ANKFN1: variants seen among roughly 807,000 people sequenced by gnomAD.
ANKFN1 encodes the protein ankyrin repeat and fibronectin type III domain containing 1, also known as ankyrin repeat and fibronectin type-III domain-containing protein 1.
ANKFN1 carries 74 observed loss-of-function variants against 108.7 expected under a neutral mutation model. That is an observed-to-expected ratio of 0.68 (90% CI 0.56 to 0.83). The LOEUF is 0.83. ANKFN1 is among the 40% of genes least tolerant of loss of function. The pLI is 0.00. For missense variants in ANKFN1, 1,505 were observed against 1,382.3 expected, an observed-to-expected ratio of 1.09 and a Z score of -1.41; for synonymous variants, 547 against 516.2, an observed-to-expected ratio of 1.06 and a Z score of -0.81.
intron 5 of ANKFN1, among the ~76,000 whole-genome samples, chr17:56,353,081 C>T (rs988034716): frequency 6.6e-6 from 1 of 152,038 alleles, no homozygotes; most frequent in Admixed American, 6.6e-5. Context: ...GAACACTATT[C>T]CAGGAGTAGT....
At chr17:56,321,286 G>A (rs539887501) in intron 3 of ANKFN1, among the ~76,000 whole-genome samples, 2 of 151,944 alleles carry the variant, frequency 1.3e-5, no homozygotes, top group Non-Finnish European at 2.9e-5. Flanking sequence ...TCGGTAAGTA[G>A]CACATTTTAT....
rs755305438 is a variant in ANKFN1 at position 56,372,707 on chromosome 17, G to A, written c.663G>A (p.Arg221=). ...CACTGGTCCAGGAAGCCCAGGAGAG[G>A]GTGAGTGAACTGTCTGCCCAGGTGG... ...LNTLVQEAQE[R]VSELSAQVEN... is the part of the protein sequence containing the mutation. Residue 221 remains arginine (R), a synonymous_variant, in exon 7 of 21, where the codon AGG becomes AGA. Coordinates refer to ENST00000682825, the MANE Select transcript of ANKFN1 (RefSeq NM_001370326.1). 31 of 1,613,848 alleles carry A rather than the reference G, an allele frequency of 1.9e-5. No individual in the cohort carries two copies. Among genetic ancestry groups the A allele is most frequent in the South Asian group, 1.4e-4 (13 of 91,068 alleles).
intron 4 of ANKFN1, among the ~76,000 whole-genome samples, chr17:56,091,418 T>TCACACACACACACACA: frequency 7.3e-6 from 1 of 136,918 alleles, no homozygotes; most frequent in African/African-American, 2.7e-5. Context: ...TCCAAACAAA[T>TCACACACACACACACA]CACACACACA....
At chr17:56,319,515 C>T (rs1449079857) in intron 3 of ANKFN1, among the ~76,000 whole-genome samples, 2 of 152,210 alleles carry the variant, frequency 1.3e-5, no homozygotes, top group African/African-American at 4.8e-5. Context: ...ATCCCAACAT[C>T]TCTGCCATGG....
intron 4 of ANKFN1, among the ~76,000 whole-genome samples, chr17:56,332,383 T>C (rs1254821628): frequency 6.6e-6 from 1 of 152,198 alleles, no homozygotes; most frequent in Non-Finnish European, 1.5e-5. Flanking sequence ...ACTATTTTTT[T>C]CCTATGTTTT....
At chr17:56,302,532 A>AAAAAG (rs1555625445) in intron 3 of ANKFN1, among the ~76,000 whole-genome samples, 12 of 142,648 alleles carry the variant, frequency 8.4e-5, no homozygotes, top group African/African-American at 3.1e-4. Flanking sequence ...AAAAAAAAAA[A>AAAAAG]AGAGAGAGAG....
At chr17:56,382,151 C>A (rs2047124666) in intron 8 of ANKFN1, among the ~76,000 whole-genome samples, 1 of 152,144 alleles carries the variant, frequency 6.6e-6, no homozygotes, top group Non-Finnish European at 1.5e-5. Flanking sequence ...ACTCTACAAG[C>A]CAGAAGAGAA....
intron 17 of ANKFN1, 89 bp downstream of exon 17, chr17:56,480,907 G>T: frequency 2.3e-6 from 3 of 1,332,592 alleles, no homozygotes; most frequent in Non-Finnish European, 3.0e-6. Context: ...GTGTGTGTGT[G>T]TGTGTGTGTG....
chr17:56,192,321 C>T (rs1333675372), intron 1 of ANKFN1, among the ~76,000 whole-genome samples: 1 of 123,814 alleles, frequency 8.1e-6, no homozygotes, highest in African/African-American at 3.2e-5. Flanking sequence ...TAGGCATTAC[C>T]ATTCAGGACA....
intron 4 of ANKFN1, among the ~76,000 whole-genome samples, chr17:56,136,736 G>C (rs532761906): frequency 3.9e-5 from 6 of 152,162 alleles, no homozygotes; most frequent in Non-Finnish European, 7.3e-5. Context: ...AAGATTCAAA[G>C]ATATATGCAA....
intron 3 of ANKFN1, among the ~76,000 whole-genome samples, chr17:56,240,461 T>C (rs762530860): frequency 6.6e-6 from 1 of 152,130 alleles, no homozygotes; most frequent in Non-Finnish European, 1.5e-5. Flanking sequence ...AAAAATTAGG[T>C]TGTTGCCAAT....
At chr17:56,060,287 T>C (rs1407626435) in intron 4 of ANKFN1, among the ~76,000 whole-genome samples, 1 of 152,242 alleles carries the variant, frequency 6.6e-6, no homozygotes, top group Non-Finnish European at 1.5e-5. Flanking sequence ...CTTTGTATCC[T>C]GTGACTTTGC....
chr17:56,495,512 T>C (rs898628571), intron 19 of ANKFN1, among the ~76,000 whole-genome samples: 2 of 152,036 alleles, frequency 1.3e-5, no homozygotes, highest in African/African-American at 4.8e-5. Flanking sequence ...AAACCAAACA[T>C]TGTAAAGAGC....
At chr17:56,171,249 A>T (rs760233462) in intron 1 of ANKFN1, among the ~76,000 whole-genome samples, 1 of 152,034 alleles carries the variant, frequency 6.6e-6, no homozygotes, top group Non-Finnish European at 1.5e-5. Context: ...CTCCCTTTTG[A>T]AGGAAGTGAG....
intron 9 of ANKFN1, among the ~76,000 whole-genome samples, chr17:56,442,639 G>A (rs964089699): frequency 2.6e-5 from 4 of 152,068 alleles, no homozygotes; most frequent in Non-Finnish European, 5.9e-5. Flanking sequence ...TGGTTGCTGT[G>A]ACATATAAAC....
At chr17:56,331,215 G>A (rs1482213712) in intron 4 of ANKFN1, among the ~76,000 whole-genome samples, 1 of 152,146 alleles carries the variant, frequency 6.6e-6, no homozygotes, top group African/African-American at 2.4e-5. Flanking sequence ...CCATATGCAT[G>A]GGAACAGGAG....
chr17:56,257,920 C>T (rs1423318586), intron 3 of ANKFN1: 1 of 152,234 alleles, frequency 6.6e-6, no homozygotes, highest in Admixed American at 6.5e-5. Flanking sequence ...CAGCTGCTCG[C>T]TCTGTCCCTA....
At chr17:56,152,219 A>T (rs1908678691), upstream of ANKFN1, among the ~76,000 whole-genome samples, 1 of 151,572 alleles carries the variant, frequency 6.6e-6, no homozygotes. Context: ...GATGAGTAAT[A>T]TAAGAAGCTC....
chr17:56,141,010 G>A (rs562845494), intron 4 of ANKFN1, among the ~76,000 whole-genome samples: 11 of 152,240 alleles, frequency 7.2e-5, no homozygotes, highest in South Asian at 2.1e-4. Flanking sequence ...AGCTATGCAC[G>A]TAATGATTTA....
Sources: allele counts gnomAD v4.1 joint callset (sites outside exome capture counted in the v4.1 genomes callset), GRCh38; gene constraint gnomAD v4.1.1; transcripts MANE v1.5; gene names NCBI Gene and HGNC (gene_info 2026-07-23, HGNC 2026-07-21).